Variants in FANCB observed in about 807,000 individuals in gnomAD.
FANCB encodes the protein Fanconi anemia group B protein.
FANCB carries 5 observed loss-of-function variants against 38.9 expected under a neutral mutation model. That is an observed-to-expected ratio of 0.13 (90% CI 0.07 to 0.27). The LOEUF is 0.27. Among genes scored for constraint, FANCB ranks in the 10% least tolerant of loss-of-function variants. The pLI, the probability that FANCB is intolerant of heterozygous loss-of-function variation, is 1.00. For synonymous variants in FANCB, 236 were observed against 215.4 expected (o/e 1.10, Z -0.84); for missense variants, 573 against 602.7 (o/e 0.95, Z 0.52).
Position 14,843,759 on chromosome X carries a change from A to G in FANCB, c.2388T>C (p.Ser796=). 1.7e-6 allele frequency: 2 copies of G among 1,211,466 alleles called. No individual in the cohort carries two copies. The highest frequency in any genetic ancestry group is 2.2e-6 in the Non-Finnish European group (2 of 895,350). ...QRCEVSKGKS[S]VVAAALSDRR... is the part of the protein sequence containing the mutation. ...TGTCTGATAAAGCAGCCGCGACGAC[A>G]CTACTCTTTCCTTTGCTCACTTCAC... Residue 796 remains serine, a synonymous_variant, in exon 10 of 10, where the codon AGT becomes AGC. Transcript: ENST00000650831.
chrX:14,782,735 G>T, the FANCB span, among the ~76,000 whole-genome samples: 10 of 112,131 alleles, frequency 8.9e-5, no homozygotes, highest in African/African-American at 3.2e-4. Flanking sequence ...TCAGAATCCA[G>T]CCATATTTAT....
the FANCB span, among the ~76,000 whole-genome samples, chrX:14,775,563 T>A: frequency 9.0e-6 from 1 of 111,242 alleles, no homozygotes; most frequent in Non-Finnish European, 1.9e-5. Flanking sequence ...AGTCTCAGCT[T>A]GAGCTTATGC....
the FANCB span, among the ~76,000 whole-genome samples, chrX:14,691,906 A>G: frequency 4.4e-5 from 5 of 112,562 alleles, no homozygotes; most frequent in African/African-American, 1.6e-4. Context: ...TCCAGAAAAT[A>G]TTTGATAAAT....
the FANCB span, among the ~76,000 whole-genome samples, chrX:14,786,506 T>C: frequency 9.0e-6 from 1 of 111,078 alleles, no homozygotes; most frequent in Admixed American, 9.6e-5. Flanking sequence ...GAATGGAACC[T>C]GACATATGAA....
chrX:14,809,480 T>C, the FANCB span, among the ~76,000 whole-genome samples: 1 of 111,195 alleles, frequency 9.0e-6, no homozygotes, highest in African/African-American at 3.3e-5. Context: ...CCCACCCTAA[T>C]ACTGTGCTTT....
the FANCB span, among the ~76,000 whole-genome samples, chrX:14,823,631 AT>A: frequency 7.2e-5 from 8 of 110,805 alleles, no homozygotes; most frequent in East Asian, 2.3e-3. Flanking sequence ...AACTAATTAT[AT>A]TTTTTCTACT....
chrX:14,826,527 A>AT, the FANCB span, among the ~76,000 whole-genome samples: 1 of 112,200 alleles, frequency 8.9e-6, no homozygotes, highest in Non-Finnish European at 1.9e-5. Context: ...AGTGAAAGTC[A>AT]TTTTTTCAAT....
the FANCB span, among the ~76,000 whole-genome samples, chrX:14,815,332 G>C: frequency 6.5e-5 from 7 of 108,235 alleles, no homozygotes; most frequent in African/African-American, 1.4e-4. Context: ...AAAAAAAAGT[G>C]GGGGGGAAGA....
chrX:14,740,264 G>GT, the FANCB span, among the ~76,000 whole-genome samples: 53,940 of 109,874 alleles, frequency 0.49, 10,192 homozygotes, highest in Non-Finnish European at 0.58. Flanking sequence ...CCAGAAAGGT[G>GT]TTTTTTAGAC....
At chrX:14,822,893 T>C in the FANCB span, among the ~76,000 whole-genome samples, 446 of 111,022 alleles carry the variant, frequency 4.0e-3, no homozygotes, top group African/African-American at 0.014. Context: ...CTCACTATTC[T>C]GAACCATGGT....
the FANCB span, among the ~76,000 whole-genome samples, chrX:14,719,428 A>G: frequency 1.8e-5 from 2 of 112,396 alleles, no homozygotes; most frequent in Non-Finnish European, 3.8e-5. Flanking sequence ...AAGACATACA[A>G]ATGACCAACA....
the FANCB span, among the ~76,000 whole-genome samples, chrX:14,781,295 T>C: frequency 9.1e-6 from 1 of 109,482 alleles, no homozygotes; most frequent in African/African-American, 3.3e-5. Context: ...CCAAGTGTGG[T>C]GGTGGATGCC....
At chrX:14,803,594 C>T in the FANCB span, among the ~76,000 whole-genome samples, 2 of 112,004 alleles carry the variant, frequency 1.8e-5, no homozygotes, top group East Asian at 2.8e-4. Context: ...TTTCGAAATG[C>T]CTTTTGAAGG....
chrX:14,825,537 CTTAT>C, the FANCB span, among the ~76,000 whole-genome samples: 3 of 112,121 alleles, frequency 2.7e-5, no homozygotes, highest in African/African-American at 9.7e-5. Flanking sequence ...CTTTCTGATT[CTTAT>C]TTAAACATTC....
At chrX:14,747,404 G>C in the FANCB span, among the ~76,000 whole-genome samples, 1 of 112,186 alleles carries the variant, frequency 8.9e-6, no homozygotes, top group Non-Finnish European at 1.9e-5. Flanking sequence ...TTTGTCCTTG[G>C]TTAATGTTTT....
At chrX:14,807,246 C>T in the FANCB span, among the ~76,000 whole-genome samples, 1 of 112,391 alleles carries the variant, frequency 8.9e-6, no homozygotes, top group Admixed American at 9.5e-5. Flanking sequence ...AAAAAAAATT[C>T]TTTCACACAC....
chrX:14,835,271 T>C (rs1569080100), downstream of FANCB: 11 of 509,877 alleles, frequency 2.2e-5, no homozygotes, highest in Non-Finnish European at 3.9e-5. Flanking sequence ...AACCGAAAAG[T>C]TAGTTCTGGG....
chrX:14,850,729 AC>A, intron 6 of FANCB, 55 bp from the exon 7 acceptor site: 3 of 779,852 alleles, frequency 3.8e-6, no homozygotes, highest in African/African-American at 2.1e-5. Context: ...CTGTAGCAAA[AC>A]TAAAAAAAAA....
the FANCB span, among the ~76,000 whole-genome samples, chrX:14,734,811 A>G: frequency 9.0e-6 from 1 of 110,617 alleles, no homozygotes; most frequent in Non-Finnish European, 1.9e-5. Flanking sequence ...GATATCCTGA[A>G]GAGTGTTTTC....
Sources: allele counts gnomAD v4.1 joint callset (sites outside exome capture counted in the v4.1 genomes callset), GRCh38; gene constraint gnomAD v4.1.1; transcripts MANE v1.5; gene names NCBI Gene and HGNC (gene_info 2026-07-23, HGNC 2026-07-21).